The following HNRNPF variants were observed in gnomAD, a reference collection of about 807,000 sequenced individuals.
The protein encoded by HNRNPF is heterogeneous nuclear ribonucleoprotein F.
In HNRNPF, 2 loss-of-function variants were observed where a neutral mutation model predicts 26.0. The observed-to-expected ratio is 0.08, with a 90% CI of 0.03 to 0.24. The LOEUF (loss-of-function observed/expected upper bound fraction) is 0.24. Among genes scored for constraint, HNRNPF ranks in the 10% least tolerant of loss-of-function variants. The pLI is 1.00. For synonymous variants in HNRNPF, 234 were observed against 211.5 expected (o/e 1.11, Z -0.92); for missense variants, 299 against 539.2 (o/e 0.55, Z 4.41).
intron 1 of HNRNPF, among the ~76,000 whole-genome samples, chr10:43,402,430 T>C (rs1838781968): frequency 6.6e-6 from 1 of 152,226 alleles, no homozygotes. Flanking sequence ...CTTTTTCTCC[T>C]TCTGGAATTC....
At chr10:43,399,368 G>A (rs1261124056) in intron 1 of HNRNPF, among the ~76,000 whole-genome samples, 1 of 152,180 alleles carries the variant, frequency 6.6e-6, no homozygotes, top group Non-Finnish European at 1.5e-5. Context: ...ATAGGTATAA[G>A]CCACTGTGCC....
At chr10:43,395,452 C>T (rs1218780434) in intron 2 of HNRNPF, among the ~76,000 whole-genome samples, 1 of 152,184 alleles carries the variant, frequency 6.6e-6, no homozygotes, top group Non-Finnish European at 1.5e-5. Context: ...ATTCTGAGAA[C>T]TAAGCTGCTT....
chr10:43,399,465 G>C (rs1838683940), intron 1 of HNRNPF, among the ~76,000 whole-genome samples: 1 of 152,134 alleles, frequency 6.6e-6, no homozygotes, highest in Admixed American at 6.5e-5. Context: ...CTTGAGCCAG[G>C]GGTTGTATTG....
At chr10:43,397,383 C>T (rs1166199617) in intron 1 of HNRNPF, 1 of 152,324 alleles carries the variant, frequency 6.6e-6, no homozygotes, top group African/African-American at 2.4e-5. Context: ...CGCGCTGGGC[C>T]CAGGCAGGAA....
intron 1 of HNRNPF, among the ~76,000 whole-genome samples, chr10:43,396,985 G>A (rs1310614177): frequency 6.6e-6 from 1 of 151,890 alleles, no homozygotes; most frequent in Non-Finnish European, 1.5e-5. Context: ...TGGGGTGGGG[G>A]CTGCTCCCCG....
chr10:43,407,599 G>A (rs559607959), intron 1 of HNRNPF: 3 of 152,266 alleles, frequency 2.0e-5, no homozygotes, highest in South Asian at 4.1e-4. Context: ...AGTTTCCTAC[G>A]AGCAGGGCGG....
At chr10:43,395,834 G>A (rs559224808) in intron 2 of HNRNPF, among the ~76,000 whole-genome samples, 16 of 152,216 alleles carry the variant, frequency 1.1e-4, no homozygotes, top group Admixed American at 9.8e-4. Flanking sequence ...CCAGACCCAC[G>A]TACACCCATT....
At chr10:43,396,832 C>G (rs896555682) in intron 1 of HNRNPF, 1 of 145,144 alleles carries the variant, frequency 6.9e-6, no homozygotes, top group African/African-American at 2.5e-5. Context: ...GCGAGCGGCG[C>G]AGCGGGGAGA....
intron 1 of HNRNPF, among the ~76,000 whole-genome samples, chr10:43,408,351 C>T (rs1389008146): frequency 6.6e-6 from 1 of 152,176 alleles, no homozygotes; most frequent in African/African-American, 2.4e-5. Flanking sequence ...GCGTGCGGCT[C>T]TCGACCTCCG....
At chr10:43,395,923 G>C (rs1400332892) in intron 2 of HNRNPF, among the ~76,000 whole-genome samples, 2 of 152,118 alleles carry the variant, frequency 1.3e-5, no homozygotes, top group African/African-American at 4.8e-5. Flanking sequence ...GAAGAGTCTG[G>C]TCTCCCCGTC....
chr10:43,398,180 A>C (rs1321160724), intron 1 of HNRNPF, among the ~76,000 whole-genome samples: 2 of 151,850 alleles, frequency 1.3e-5, no homozygotes, highest in Non-Finnish European at 2.9e-5. Context: ...GGCCCATGCC[A>C]CTATACCCAG....
In HNRNPF at chr10:43,387,460, G is replaced by A. The variant is rs1460309254; in HGVS notation, c.425C>T (p.Thr142Ile). Reference protein sequence around the residue: ...SGLEIVPNGITLPVDPEGKIT... With the variant: ...SGLEIVPNGIILPVDPEGKIT... ...CTTGCCTTCGGGGTCCACAGGCAAT[G>A]TGATCCCGTTTGGCACAATTTCCAA... The change falls in exon 4 of 4, where the codon ACA becomes ATA. Residue 142 changes from threonine (T) to isoleucine (I), a missense_variant. By Grantham distance (89) the Thr-to-Ile change is moderately conservative (BLOSUM62 -1). This residue lies in a region of HNRNPF where 104 missense variants were observed against 239.0 expected (regional missense o/e 0.44). Transcript: ENST00000682386. This position sits in a 1 kb window ranked among gnomAD's most constrained non-coding sequence, Gnocchi z 6.0. 6.2e-7 allele frequency: 1 copy of A among 1,614,080 alleles called. No individual in the cohort carries two copies. The highest frequency in any genetic ancestry group is 1.7e-5 in the Admixed American group (1 of 60,000).
At chr10:43,402,952 TCA>T (rs1838798759) in intron 1 of HNRNPF, among the ~76,000 whole-genome samples, 1 of 152,026 alleles carries the variant, frequency 6.6e-6, no homozygotes. Context: ...AGTACTGCAA[TCA>T]CAACTCACTG....
chr10:43,391,148 C>A lies in HNRNPF; in HGVS notation c.-52-3212G>T, dbSNP rs141040219. Among the ~76,000 whole-genome samples the A allele has an allele frequency of 4.6e-5, 7 of 152,208 alleles. No individual in the cohort carries two copies. The East Asian group carries it at 7.7e-4, about 17-fold the overall frequency. On this transcript the variant is annotated intron_variant, in intron 3 of 3. Transcript: ENST00000682386. ...CTCGACTAAAAATACAAAAAACTAG[C>A]CGGGCGTGATGGTGGGCACCTGTAG...
chr10:43,395,193 C>A (rs768185741), intron 2 of HNRNPF, among the ~76,000 whole-genome samples: 4 of 152,072 alleles, frequency 2.6e-5, no homozygotes, highest in Non-Finnish European at 5.9e-5. Context: ...GGGGACTTGA[C>A]CTTAAGACCC....
intron 2 of HNRNPF, among the ~76,000 whole-genome samples, chr10:43,395,131 C>CGG (rs59128074): frequency 6.6e-6 from 1 of 151,820 alleles, no homozygotes; most frequent in South Asian, 2.1e-4. Context: ...ATTTAAATAT[C>CGG]GGGGGCAGGG....
At chr10:43,391,456 C>CA (rs376694559) in intron 3 of HNRNPF, among the ~76,000 whole-genome samples, 186 of 147,034 alleles carry the variant, frequency 1.3e-3, no homozygotes, top group Non-Finnish European at 1.6e-3. Context: ...AGACTAACTC[C>CA]AAAAAAAAAC....
chr10:43,398,227 T>C (rs111328420), intron 1 of HNRNPF, among the ~76,000 whole-genome samples: 63 of 152,290 alleles, frequency 4.1e-4, no homozygotes, highest in Middle Eastern at 6.8e-3. Flanking sequence ...GGTTTCACCG[T>C]GTTGGCTAGG....
At chr10:43,403,429 A>AT (rs1838814798) in intron 1 of HNRNPF, among the ~76,000 whole-genome samples, 2 of 152,138 alleles carry the variant, frequency 1.3e-5, no homozygotes, top group African/African-American at 2.4e-5. Flanking sequence ...CTTGGAATTG[A>AT]TTTTTTCATT....
Sources: allele counts gnomAD v4.1 joint callset (sites outside exome capture counted in the v4.1 genomes callset), GRCh38; gene constraint gnomAD v4.1.1; regional missense constraint gnomAD v4.1.1; non-coding constraint Gnocchi (gnomAD v3.1); transcripts MANE v1.5; gene names NCBI Gene and HGNC (gene_info 2026-07-23, HGNC 2026-07-21).